The following SLCO3A1 variants were observed in gnomAD, a reference collection of about 807,000 sequenced individuals.
SLCO3A1 encodes the protein solute carrier organic anion transporter family member 3A1.
Under a neutral mutation model 63.1 loss-of-function variants are expected in SLCO3A1, and 27 were observed. That is an observed-to-expected ratio of 0.43 (90% CI 0.32 to 0.59). SLCO3A1 has a LOEUF of 0.59. Among genes scored for constraint, SLCO3A1 ranks in the 20% least tolerant of loss-of-function variants. The pLI is 0.09. For missense variants in SLCO3A1, 773 were observed against 945.8 expected (o/e 0.82, Z 2.40); for synonymous variants, 473 against 409.9 (o/e 1.15, Z -1.86).
intron 3 of SLCO3A1, among the ~76,000 whole-genome samples, chr15:92,103,935 A>G (rs2853651): frequency 0.3 from 45,489 of 152,124 alleles, 7,033 homozygotes; most frequent in South Asian, 0.35. Context: ...CCTCTGAACA[A>G]TAAACATTTC....
chr15:92,143,732 G>T (rs1485442453), intron 7 of SLCO3A1, among the ~76,000 whole-genome samples: 2 of 151,384 alleles, frequency 1.3e-5, no homozygotes, highest in African/African-American at 4.9e-5. Flanking sequence ...GCAAGAGGTG[G>T]AGGGAAAGGA....
intron 2 of SLCO3A1, among the ~76,000 whole-genome samples, chr15:91,989,405 C>T (rs970604868): frequency 6.6e-5 from 10 of 152,184 alleles, no homozygotes; most frequent in Non-Finnish European, 1.2e-4. Context: ...CCGTTTCCAG[C>T]CCACATGTGA....
At position 91,897,553 on chromosome 15, in the gene SLCO3A1, A is replaced by T. The variant is rs1217048152; in HGVS notation, c.181-18440A>T. ...TTCTTTGGATCAAAATAAAAAACTC[A>T]ACAGGCTTCTTCTGATTTCTGACAG... On this transcript the variant is annotated intron_variant, in intron 1 of 9. Transcript: ENST00000318445. This position sits in a 1 kb window ranked among gnomAD's most constrained non-coding sequence, Gnocchi z 4.7. 2.0e-5 allele frequency among the ~76,000 whole-genome samples: 3 copies of T among 152,220 alleles called. No individual in the cohort carries two copies. The highest frequency in any genetic ancestry group is 4.4e-5 in the Non-Finnish European group (3 of 68,040).
intron 1 of SLCO3A1, among the ~76,000 whole-genome samples, chr15:91,915,601 C>T (rs1007936249): frequency 2.6e-5 from 4 of 152,050 alleles, no homozygotes; most frequent in African/African-American, 9.7e-5. Flanking sequence ...GACTTTATCC[C>T]TAGTATATAT....
At chr15:91,963,419 G>A (rs185236557) in intron 2 of SLCO3A1, among the ~76,000 whole-genome samples, 3 of 115,544 alleles carry the variant, frequency 2.6e-5, no homozygotes, top group African/African-American at 1.0e-4. Flanking sequence ...GGGGGGGGGG[G>A]GCGGCAGCAG....
At position 92,096,304 on chromosome 15, in the gene SLCO3A1, C is replaced by T. The variant is rs1426002434; in HGVS notation, c.745+1325C>T. 4.6e-5 allele frequency among the ~76,000 whole-genome samples: 7 copies of T among 152,276 alleles called. No individual in the cohort carries two copies. The East Asian group carries it at 1.4e-3, about 29-fold the overall frequency. On this transcript the variant is annotated intron_variant, in intron 3 of 9. Transcript: ENST00000318445. ...GCAGGAGTCACAGTCTTTTTATAAC[C>T]TAATCTCAGAAGTGACATCTCATTA...
intron 2 of SLCO3A1, among the ~76,000 whole-genome samples, chr15:92,004,958 T>A (rs542960289): frequency 6.6e-6 from 1 of 152,318 alleles, no homozygotes; most frequent in East Asian, 1.9e-4. Flanking sequence ...ATGGGGATAA[T>A]TAAAAACTCT....
In SLCO3A1 at chr15:91,916,314, C is replaced by T; in HGVS notation, c.502C>T (p.Arg168Cys). 1.9e-6 allele frequency: 3 copies of T among 1,583,152 alleles called. No individual in the cohort carries two copies. Among genetic ancestry groups the T allele is most frequent in the East Asian group, 2.3e-5 (1 of 43,168 alleles). The change falls in exon 2 of 10, where the codon CGC becomes TGC. Residue 168 changes from arginine to cysteine, a missense_variant. This residue lies in a region of SLCO3A1 where 565 missense variants were observed against 749.8 expected (regional missense o/e 0.75). Transcript: ENST00000318445. The surrounding 1 kb of genome is among the most constrained non-coding windows in gnomAD (Gnocchi z 6.2). Reference protein sequence around the residue: ...DEGPDPDLICRNRTATNMMYL... With the variant: ...DEGPDPDLICCNRTATNMMYL... Reference sequence around the variant, plus strand: ...GGGGCCCGACCCCGACCTCATCTGCCGCAACCGGACGGCTACCAACATGAT... The same window carrying T: ...GGGGCCCGACCCCGACCTCATCTGCTGCAACCGGACGGCTACCAACATGAT...
chr15:91,871,756 T>G (rs1897283577), intron 1 of SLCO3A1, among the ~76,000 whole-genome samples: 1 of 69,938 alleles, frequency 1.4e-5, no homozygotes, highest in Non-Finnish European at 2.8e-5. Context: ...CTCATTTTGT[T>G]TTTTTTTGGT....
chr15:91,869,193 G>A (rs1186638601), intron 1 of SLCO3A1, among the ~76,000 whole-genome samples: 1 of 152,054 alleles, frequency 6.6e-6, no homozygotes, highest in East Asian at 1.9e-4. Flanking sequence ...TTGAGCTCAG[G>A]AGTTTGAGAC....
chr15:92,164,117 C>A lies in SLCO3A1; in HGVS notation c.*982C>A. 3 of 980,148 alleles carry A rather than the reference C, an allele frequency of 3.1e-6. No individual in the cohort carries two copies. The South Asian group carries it at 1.4e-4, about 46-fold the overall frequency. 60.7% of individuals were successfully genotyped at this position (980,148 alleles called of 1,614,324 possible). A position where few individuals can be genotyped will look rare whatever the true frequency, so the allele number is the denominator to read the frequency against. On this transcript the variant is annotated 3_prime_UTR_variant, in exon 10 of 10. Coordinates refer to ENST00000318445, the MANE Select transcript of SLCO3A1 (RefSeq NM_013272.4). ...TACTATTTTTAACTACTTCTAAAAT[C>A]TGTGTTAACCCTTCAAGTCACTAAC...
intron 2 of SLCO3A1, among the ~76,000 whole-genome samples, chr15:92,067,421 C>T (rs1205060878): frequency 6.6e-6 from 1 of 152,198 alleles, no homozygotes; most frequent in Non-Finnish European, 1.5e-5. Context: ...ACTATTCTTA[C>T]AGCATAGGAA....
At position 91,862,757 on chromosome 15, in the gene SLCO3A1, G is replaced by T. The variant is rs72765739; in HGVS notation, c.180+8669G>T. On this transcript the variant is annotated intron_variant, in intron 1 of 9. Coordinates refer to ENST00000318445, the MANE Select transcript of SLCO3A1 (RefSeq NM_013272.4). This position sits in a 1 kb window ranked among gnomAD's most constrained non-coding sequence, Gnocchi z 4.0. ...TGCTCACAAAACTACAGGAATTTGA[G>T]GGAGTTAGAAGTGATTATTTTTACC... 8.1e-3 allele frequency among the ~76,000 whole-genome samples: 1,232 copies of T among 152,336 alleles called. 16 individuals are homozygous for T. The highest frequency in any genetic ancestry group is 0.014 in the Non-Finnish European group (947 of 68,026).
downstream of SLCO3A1, among the ~76,000 whole-genome samples, chr15:92,167,067 CTATATTTTATTGTTGCTTGAA>C (rs139248647): frequency 2.1e-3 from 319 of 152,318 alleles, 1 homozygote; most frequent in African/African-American, 6.5e-3. Context: ...CGGAGTTACG[CTATATTTTATTGTTGCTTGAA>C]TATTTTATTT....
Position 92,095,013 on chromosome 15 carries a change from C to T in SLCO3A1, c.745+34C>T, listed in dbSNP as rs377427714. ...TATATCTCCATGTCTACCTTCCATC[C>T]GCAAGCGTTTCCTCCCTCATAAATG... is the stretch of plus-strand genomic sequence containing the variant. On this transcript the variant is annotated intron_variant, in intron 3 of 9. Transcript: ENST00000318445. 56 of 1,419,558 alleles carry T rather than the reference C, an allele frequency of 3.9e-5. No homozygotes were observed. In the African/African-American group the frequency reaches 5.2e-4, roughly 13 times the overall value. The allele number at this position is 1,419,558 out of a possible 1,614,324, so 87.9% of individuals were successfully genotyped here. A position where few individuals can be genotyped will look rare whatever the true frequency, so the allele number is the denominator to read the frequency against.
chr15:91,987,049 C>G (rs1411487017), intron 2 of SLCO3A1, among the ~76,000 whole-genome samples: 1 of 152,076 alleles, frequency 6.6e-6, no homozygotes, highest in Non-Finnish European at 1.5e-5. Flanking sequence ...TTTGGGGCTT[C>G]ACAGCCCCAA....
rs895195825 is a variant in SLCO3A1 at position 91,897,107 on chromosome 15, G to A, written c.181-18886G>A. ...AAAGTTGTGAGAAATCAAAGTAACC[G>A]TAAGATAAGTTCCTACCACACTATT... is the stretch of plus-strand genomic sequence containing the variant. On this transcript the variant is annotated intron_variant, in intron 1 of 9. Transcript: ENST00000318445. This position sits in a 1 kb window ranked among gnomAD's most constrained non-coding sequence, Gnocchi z 4.7. Among the ~76,000 whole-genome samples, 4 of 152,154 alleles carry A rather than the reference G, an allele frequency of 2.6e-5. No homozygotes were observed. The highest frequency in any genetic ancestry group is 2.1e-4 in the South Asian group (1 of 4,828).
At chr15:92,065,340 G>A (rs1597277035) in intron 2 of SLCO3A1, among the ~76,000 whole-genome samples, 1 of 152,032 alleles carries the variant, frequency 6.6e-6, no homozygotes, top group Non-Finnish European at 1.5e-5. Context: ...CACCTACCTC[G>A]GCCTCCCAAA....
rs1192676109 is a variant in SLCO3A1 at position 91,989,848 on chromosome 15, G to A, written c.646+73390G>A. Among the ~76,000 whole-genome samples the A allele has an allele frequency of 4.6e-5, 7 of 152,220 alleles. No homozygotes were observed. The East Asian group carries it at 9.6e-4, about 21-fold the overall frequency. On this transcript the variant is annotated intron_variant, in intron 2 of 9. Coordinates refer to ENST00000318445, the MANE Select transcript of SLCO3A1 (RefSeq NM_013272.4). Reference sequence around the variant, plus strand: ...AGATTATCAAATGAATTAGAGGACAGAATTAGTCTGAATCCTCAGTTCTAA... The same window carrying A: ...AGATTATCAAATGAATTAGAGGACAAAATTAGTCTGAATCCTCAGTTCTAA...
Sources: gnomAD v4.1 joint callset for allele counts (sites outside exome capture counted in the v4.1 genomes callset) on GRCh38, gnomAD v4.1.1 for gene constraint, gnomAD v4.1.1 regional missense constraint, Gnocchi (gnomAD v3.1) non-coding constraint, MANE v1.5 for transcripts, NCBI Gene and HGNC (gene_info 2026-07-23, HGNC 2026-07-21) for gene names.